LARP1: variants seen among roughly 807,000 people sequenced by gnomAD.
LARP1 encodes la-related protein 1.
LARP1 carries 36 observed loss-of-function variants against 122.7 expected under a neutral mutation model. The observed-to-expected ratio is 0.29, with a 90% CI of 0.22 to 0.39. The LOEUF (loss-of-function observed/expected upper bound fraction) is 0.39. Ranked by LOEUF, LARP1 falls within the 10% of genes least tolerant of loss-of-function variation. LARP1 has a pLI of 1.00. For synonymous variants in LARP1, 539 were observed against 528.7 expected (o/e 1.02, Z -0.27); for missense variants, 1,040 against 1,403.6 (o/e 0.74, Z 4.14).
At chr5:154,693,566 C>A (rs1031224788) in intron 1 of LARP1, among the ~76,000 whole-genome samples, 34 of 152,058 alleles carry the variant, frequency 2.2e-4, no homozygotes, top group African/African-American at 7.0e-4. Context: ...GATGAAAGTT[C>A]TTTTCTCGAC....
upstream of LARP1, among the ~76,000 whole-genome samples, chr5:154,755,104 T>A (rs956587280): frequency 4.0e-5 from 6 of 151,380 alleles, no homozygotes; most frequent in Non-Finnish European, 8.9e-5. Flanking sequence ...ATCAGGCACG[T>A]GCTCGCCCCC....
Position 154,803,703 on chromosome 5 carries a change from G to T in LARP1, c.2397G>T (p.Arg799=). 6.2e-7 allele frequency: 1 copy of T among 1,614,170 alleles called. No individual in the cohort carries two copies. Among genetic ancestry groups the T allele is most frequent in the South Asian group, 1.1e-5 (1 of 91,078 alleles). The change falls in exon 13 of 19, where the codon CGG becomes CGT. Residue 799 remains arginine, a synonymous_variant. Transcript: ENST00000518297. This position sits in a 1 kb window ranked among gnomAD's most constrained non-coding sequence, Gnocchi z 4.4. ...PQLKDSSQTS[R]FYPVVKEGRT... is the part of the protein sequence containing the mutation. ...TCAAAGACTCAAGCCAGACATCACGGTTTTACCCAGTGGTGAAAGAAGGAC... is the reference window on the plus strand; with the variant it reads ...TCAAAGACTCAAGCCAGACATCACGTTTTTACCCAGTGGTGAAAGAAGGAC...
In LARP1 at chr5:154,793,783, T is replaced by C. The variant is rs2113783706; in HGVS notation, c.869-17T>C. ...GGAGACACCCTCAGGCCTGACCTGG[T>C]ACCCCTCTCCCCATAGGGTCTGAGT... On this transcript the variant is annotated splice_polypyrimidine_tract_variant and intron_variant, in intron 5 of 18. Coordinates refer to ENST00000518297, the MANE Select transcript of LARP1 (RefSeq NM_033551.3). 6.2e-7 allele frequency: 1 copy of C among 1,614,136 alleles called. No individual in the cohort carries two copies. Among genetic ancestry groups the C allele is most frequent in the East Asian group, 2.2e-5 (1 of 44,862 alleles).
At chr5:154,712,772 C>T (rs1340646569), upstream of LARP1, 1 of 644,346 alleles carries the variant, frequency 1.6e-6, no homozygotes, top group African/African-American at 1.8e-5. Context: ...GGCCAATGAG[C>T]TGCCGTCGCT....
chr5:154,790,622 C>T lies in LARP1; in HGVS notation c.499-23C>T, dbSNP rs1201414494. On this transcript the variant is annotated intron_variant, in intron 2 of 18. Coordinates refer to ENST00000518297, the MANE Select transcript of LARP1 (RefSeq NM_033551.3). ...CAAAGACAGGGTCACTCCTGGGGCCCTCATAGTGTATGTTCCCTGCAGGTT... is the reference window on the plus strand; with the variant it reads ...CAAAGACAGGGTCACTCCTGGGGCCTTCATAGTGTATGTTCCCTGCAGGTT... 3 of 1,613,584 alleles carry T rather than the reference C, an allele frequency of 1.9e-6. No homozygotes were observed. The East Asian group carries it at 6.7e-5, about 36-fold the overall frequency.
intron 1 of LARP1, among the ~76,000 whole-genome samples, chr5:154,723,258 C>G (rs1582208122): frequency 6.6e-6 from 1 of 152,290 alleles, no homozygotes; most frequent in South Asian, 2.1e-4. Flanking sequence ...ATGCCTTAAC[C>G]CTAAGGTTTT....
upstream of LARP1, among the ~76,000 whole-genome samples, chr5:154,710,655 A>C (rs773661850): frequency 6.6e-6 from 1 of 150,986 alleles, no homozygotes; most frequent in Non-Finnish European, 1.5e-5. Flanking sequence ...AGGCAGGAGA[A>C]TCGCTTGAAC....
intron 14 of LARP1, 69 bp from the exon 15 acceptor site, chr5:154,805,812 G>A: frequency 6.5e-7 from 1 of 1,526,958 alleles, no homozygotes; most frequent in Non-Finnish European, 8.9e-7. Context: ...ACGGATCAGA[G>A]GGACCCCTCC....
upstream of LARP1, chr5:154,712,830 G>A (rs1319561193): frequency 8.9e-7 from 1 of 1,118,432 alleles, no homozygotes; most frequent in Non-Finnish European, 1.3e-6. Flanking sequence ...CTGGCAACCT[G>A]GAGAGCTCCC....
At chr5:154,792,100 C>G in intron 3 of LARP1, 1 of 402,576 alleles carries the variant, frequency 2.5e-6, no homozygotes, top group East Asian at 7.4e-5. Flanking sequence ...TTAGGCCAAG[C>G]ACCGACCTCC....
intron 1 of LARP1, among the ~76,000 whole-genome samples, chr5:154,769,020 G>C (rs1222392946): frequency 6.6e-6 from 1 of 152,120 alleles, no homozygotes; most frequent in Non-Finnish European, 1.5e-5. Flanking sequence ...TGTATTTTTA[G>C]TAGAGACTGG....
chr5:154,730,863 C>CTT lies in LARP1; in HGVS notation c.205+17754_205+17755dup, dbSNP rs60848864. ...CCCCTACGGGTAAGCACCATTCTGA[C>CTT]TTTTTTTTTTTTTTTTTTTTTTGAG... On this transcript the variant is annotated intron_variant, in intron 1 of 18. Coordinates refer to the LARP1 transcript ENST00000336314. 1.0e-3 allele frequency among the ~76,000 whole-genome samples: 133 copies of CTT among 127,718 alleles called. 1 individual carries two copies. Among genetic ancestry groups the CTT allele is most frequent in the African/African-American group, 2.2e-3 (74 of 34,356 alleles). The allele number at this position is 127,718 out of a possible 152,430, so 83.8% of individuals were successfully genotyped here.
chr5:154,794,145 A>G lies in LARP1; in HGVS notation c.1115A>G (p.Glu372Gly). ...GGCTACCGAAAGTTTGATGGTGTGG[A>G]GGGGCCTCGTACGCCCAAGTACATG... Reference protein sequence around the residue: ...QFGYRKFDGVEGPRTPKYMNN... With the variant: ...QFGYRKFDGVGGPRTPKYMNN... Residue 372 changes from glutamate to glycine, a missense_variant, in exon 7 of 19, where the codon GAG (glutamate) becomes GGG (glycine). This residue lies in a region of LARP1 where 178 missense variants were observed against 178.3 expected (regional missense o/e 1.00). Transcript: ENST00000518297. The G allele has an allele frequency of 6.2e-7, 1 of 1,614,198 alleles. No individual in the cohort carries two copies. Among genetic ancestry groups the G allele is most frequent in the Non-Finnish European group, 8.5e-7 (1 of 1,180,030 alleles).
rs1759620231 is a variant in LARP1, at chr5:154,815,677, G to T, written c.*1581G>T. On this transcript the variant is annotated 3_prime_UTR_variant, in exon 19 of 19. Transcript: ENST00000518297. Reference sequence around the variant, plus strand: ...GGATGAGGAGGAGTTGGGGGCTGGGGGGAATCCTGCCAGTTGGTGAAGCCC... The same window carrying T: ...GGATGAGGAGGAGTTGGGGGCTGGGTGGAATCCTGCCAGTTGGTGAAGCCC... 6.5e-6 allele frequency: 1 copy of T among 152,698 alleles called. No homozygotes were observed. 9.5% of individuals were successfully genotyped at this position (152,698 alleles called of 1,614,324 possible). A position where few individuals can be genotyped will look rare whatever the true frequency, so the allele number is the denominator to read the frequency against.
intron 1 of LARP1, among the ~76,000 whole-genome samples, chr5:154,697,195 T>C (rs1754505354): frequency 2.0e-5 from 2 of 99,418 alleles, no homozygotes. Flanking sequence ...GGTATGTAGC[T>C]TTTTATCTTT....
rs748030021 is a variant in LARP1 at position 154,808,537 on chromosome 5, A to G, written c.2777A>G (p.His926Arg). ...FRFWSFFLRD[H>R]FNKKMYEEFK... ...TTCTGGTCCTTCTTCCTCCGAGATC[A>G]CTTCAACAAAAAGATGTATGAGGAG... Residue 926 changes from histidine to arginine, a missense_variant, in exon 16 of 19, where the codon CAC (histidine) becomes CGC (arginine). Transcript: ENST00000518297. The G allele has an allele frequency of 6.2e-7, 1 of 1,614,028 alleles. No individual in the cohort carries two copies. Among genetic ancestry groups the G allele is most frequent in the Non-Finnish European group, 8.5e-7 (1 of 1,180,012 alleles).
chr5:154,779,983 G>A (rs982831415), intron 1 of LARP1, among the ~76,000 whole-genome samples: 1 of 152,142 alleles, frequency 6.6e-6, no homozygotes, highest in African/African-American at 2.4e-5. Context: ...CACTGAAGGA[G>A]CCTGTAGGCC....
At chr5:154,738,600 AAAG>A (rs1432761556) in intron 1 of LARP1, among the ~76,000 whole-genome samples, 4 of 152,182 alleles carry the variant, frequency 2.6e-5, no homozygotes, top group Admixed American at 1.3e-4. Context: ...TCAAAAAAAA[AAAG>A]AAGAAACAGC....
Position 154,815,412 on chromosome 5 carries a change from T to G in LARP1, c.*1316T>G, listed in dbSNP as rs894088253. 6.6e-6 allele frequency: 1 copy of G among 152,384 alleles called. No individual in the cohort carries two copies. Among genetic ancestry groups the G allele is most frequent in the African/African-American group, 2.4e-5 (1 of 41,410 alleles). The allele number at this position is 152,384 out of a possible 1,614,324, so 9.4% of individuals were successfully genotyped here. ...GCCTGCATCTGGAACACACTTGTCC[T>G]CAGCTTACCATCTCCTCACACCCCA... On this transcript the variant is annotated 3_prime_UTR_variant, in exon 19 of 19. Transcript: ENST00000518297.
Sources: allele counts gnomAD v4.1 joint callset (sites outside exome capture counted in the v4.1 genomes callset), GRCh38; gene constraint gnomAD v4.1.1; regional missense constraint gnomAD v4.1.1; non-coding constraint Gnocchi (gnomAD v3.1); transcripts MANE v1.5; gene names NCBI Gene and HGNC (gene_info 2026-07-23, HGNC 2026-07-21).